The following GSE1 variants were observed in gnomAD, a reference collection of about 807,000 sequenced individuals.
The protein encoded by GSE1 is Gse1 coiled-coil protein, also known as genetic suppressor element 1.
A neutral mutation model predicts 112.6 loss-of-function variants in GSE1; 32 were observed. That is an observed-to-expected ratio of 0.28 (90% confidence interval 0.21 to 0.38). The LOEUF is 0.38. Among genes scored for constraint, GSE1 ranks in the 10% least tolerant of loss-of-function variants. GSE1 has a pLI of 1.00. For synonymous variants in GSE1, 1,115 were observed against 735.6 expected, an observed-to-expected ratio of 1.52 and a Z score of -8.35; for missense variants, 2,348 against 1,699.2, an observed-to-expected ratio of 1.38 and a Z score of -6.71.
chr16:85,488,531 T>A (rs747832238), intron 2 of GSE1, among the ~76,000 whole-genome samples: 1 of 151,870 alleles, frequency 6.6e-6, no homozygotes, highest in Non-Finnish European at 1.5e-5. Flanking sequence ...TGCCAGGTAC[T>A]GAACTGACTG....
At chr16:85,640,978 T>C (rs2050397843) in intron 2 of GSE1, among the ~76,000 whole-genome samples, 2 of 152,280 alleles carry the variant, frequency 1.3e-5, no homozygotes, top group African/African-American at 4.8e-5. Flanking sequence ...CCACCACCTA[T>C]CCCGACCCCT....
chr16:85,520,933 C>A (rs1351988820), intron 2 of GSE1, among the ~76,000 whole-genome samples: 1 of 152,188 alleles, frequency 6.6e-6, no homozygotes, highest in South Asian at 2.1e-4. Context: ...GACAGCTGGC[C>A]AGCACTGCCC....
intron 2 of GSE1, among the ~76,000 whole-genome samples, chr16:85,466,641 A>G (rs2050129186): frequency 6.6e-6 from 1 of 152,124 alleles, no homozygotes; most frequent in East Asian, 1.9e-4. Flanking sequence ...GTCTTCCAGT[A>G]AGGAAAGCGT....
intron 2 of GSE1, among the ~76,000 whole-genome samples, chr16:85,470,292 G>C (rs994652202): frequency 6.6e-6 from 1 of 152,222 alleles, no homozygotes; most frequent in African/African-American, 2.4e-5. Flanking sequence ...CACTGACTTG[G>C]AGTGCCTCTG....
intron 1 of GSE1, among the ~76,000 whole-genome samples, chr16:85,200,308 C>T (rs2075004366): frequency 6.6e-6 from 1 of 151,940 alleles, no homozygotes; most frequent in South Asian, 2.1e-4. Flanking sequence ...GGCAGGTGGG[C>T]TCGCCAACCT....
At chr16:85,622,440 C>T (rs900565943) in intron 1 of GSE1, among the ~76,000 whole-genome samples, 7 of 152,160 alleles carry the variant, frequency 4.6e-5, no homozygotes, top group African/African-American at 1.2e-4. Context: ...TGTTCATACT[C>T]GTGGGTTGCC....
At position 85,483,336 on chromosome 16, in the gene GSE1, A is replaced by C. The variant is rs912297205; in HGVS notation, c.2464+125693A>C. Reference sequence around the variant, plus strand: ...GAGAGCGAGAACAGAAACGGGGCAGAGGGGAGTACGTGGAGTTGAGTCCCC... The same window carrying C: ...GAGAGCGAGAACAGAAACGGGGCAGCGGGGAGTACGTGGAGTTGAGTCCCC... On this transcript the variant is annotated intron_variant, in intron 2 of 2. Coordinates refer to the GSE1 transcript ENST00000637419. 1.3e-5 allele frequency among the ~76,000 whole-genome samples: 2 copies of C among 152,254 alleles called. 1 individual carries two copies. The highest frequency in any genetic ancestry group is 4.1e-4 in the South Asian group (2 of 4,832).
chr16:85,461,174 C>T (rs1268610135), intron 2 of GSE1, among the ~76,000 whole-genome samples: 1 of 152,230 alleles, frequency 6.6e-6, no homozygotes, highest in Admixed American at 6.5e-5. Flanking sequence ...GTTTCTTAAC[C>T]TTGGGACTGT....
At chr16:85,669,541 C>T (rs1473368483) in intron 14 of GSE1, among the ~76,000 whole-genome samples, 4 of 152,288 alleles carry the variant, frequency 2.6e-5, no homozygotes, top group South Asian at 2.1e-4. Context: ...GTTTATTGCG[C>T]ACCACCCCCT....
At chr16:85,549,346 TTTTTA>T (rs1321009455) in intron 2 of GSE1, among the ~76,000 whole-genome samples, 1 of 152,098 alleles carries the variant, frequency 6.6e-6, no homozygotes, top group Non-Finnish European at 1.5e-5. Context: ...CTGGCTAGCA[TTTTTA>T]TTTTTTGTAG....
intron 1 of GSE1, among the ~76,000 whole-genome samples, chr16:85,189,619 C>G (rs2074781256): frequency 6.6e-6 from 1 of 152,214 alleles, no homozygotes; most frequent in African/African-American, 2.4e-5. Context: ...ATTTAAAAAC[C>G]TGTTCCAGTT....
At chr16:85,198,258 C>T (rs2074965944) in intron 1 of GSE1, among the ~76,000 whole-genome samples, 1 of 152,210 alleles carries the variant, frequency 6.6e-6, no homozygotes, top group South Asian at 2.1e-4. Flanking sequence ...AGACCGAAGT[C>T]ATGTGTTCCT....
At chr16:85,515,243 C>G (rs568472214) in intron 2 of GSE1, among the ~76,000 whole-genome samples, 3 of 152,346 alleles carry the variant, frequency 2.0e-5, no homozygotes, top group African/African-American at 7.2e-5. Context: ...ACCTCTGCCC[C>G]CATCCCCGTC....
intron 1 of GSE1, among the ~76,000 whole-genome samples, chr16:85,264,273 G>T (rs1311668118): frequency 1.3e-5 from 2 of 152,030 alleles, no homozygotes; most frequent in African/African-American, 4.8e-5. Flanking sequence ...GTGGAATGTG[G>T]TATCTGTCCC....
At position 85,661,522 on chromosome 16, in the gene GSE1, C is replaced by A. The variant is rs1172479766; in HGVS notation, c.2017C>A (p.Pro673Thr). 1 of 1,611,970 alleles carries A rather than the reference C, an allele frequency of 6.2e-7. No individual in the cohort carries two copies. Among genetic ancestry groups the A allele is most frequent in the Non-Finnish European group, 8.5e-7 (1 of 1,179,740 alleles). ...CCAGCCCTTCCTGCCCGGGCCCGGG[C>A]CCTTCCTGGCTGAGCTCGAGAAGTC... The part of the protein sequence containing the change: ...EHQPFLPGPG[P>T]FLAELEKSTQ... The change falls in exon 9 of 16, where the codon CCC (proline) becomes ACC (threonine). Residue 673 changes from proline (P) to threonine (T), a missense_variant. Pro to Thr is a conservative substitution (Grantham distance 38). Coordinates refer to ENST00000253458, the MANE Select transcript of GSE1 (RefSeq NM_014615.5).
intron 2 of GSE1, among the ~76,000 whole-genome samples, chr16:85,647,143 C>G (rs1367790955): frequency 1.3e-5 from 2 of 152,216 alleles, no homozygotes; most frequent in African/African-American, 4.8e-5. Flanking sequence ...AAACCCCTGC[C>G]GCACCTGCAG....
At chr16:85,242,199 G>T (rs1232075144) in intron 1 of GSE1, among the ~76,000 whole-genome samples, 2 of 152,184 alleles carry the variant, frequency 1.3e-5, no homozygotes, top group African/African-American at 4.8e-5. Flanking sequence ...TGGCACCAAA[G>T]AAGAGTGTAA....
chr16:85,544,236 C>T (rs564090878), intron 2 of GSE1, among the ~76,000 whole-genome samples: 74 of 152,288 alleles, frequency 4.9e-4, no homozygotes, highest in Middle Eastern at 3.4e-3. Flanking sequence ...GGACAGTCCC[C>T]GCAGCGAAGA....
intron 14 of GSE1, 177 bp from the exon 15 acceptor site, chr16:85,670,818 G>A: frequency 2.0e-6 from 1 of 490,130 alleles, no homozygotes; most frequent in Non-Finnish European, 3.7e-6. Flanking sequence ...TGACGTTTAT[G>A]TATTTATCGG....
Sources: allele counts gnomAD v4.1 joint callset (sites outside exome capture counted in the v4.1 genomes callset), GRCh38; gene constraint gnomAD v4.1.1; transcripts MANE v1.5; gene names NCBI Gene and HGNC (gene_info 2026-07-23, HGNC 2026-07-21).